Variants in MEF2A observed in about 807,000 individuals in gnomAD.
MEF2A encodes the protein myocyte enhancer factor 2A, also known as myocyte-specific enhancer factor 2A.
A neutral mutation model predicts 55.8 loss-of-function variants in MEF2A; 28 were observed. The ratio of observed to expected loss-of-function variants is 0.50; its 90% confidence interval spans 0.37 to 0.69. The LOEUF is 0.69. MEF2A is among the 30% of genes least tolerant of loss of function. MEF2A has a pLI of 0.00. For synonymous variants in MEF2A, 239 were observed against 227.1 expected (o/e 1.05, Z -0.47); for missense variants, 528 against 626.2 (o/e 0.84, Z 1.67).
At chr15:99,703,606 T>C (rs916984772) in intron 9 of MEF2A, among the ~76,000 whole-genome samples, 2 of 152,216 alleles carry the variant, frequency 1.3e-5, no homozygotes, top group Non-Finnish European at 2.9e-5. Flanking sequence ...AACATTGGAA[T>C]AGAGCCTTTA....
At chr15:99,705,496 G>A (rs2057927899) in intron 9 of MEF2A, among the ~76,000 whole-genome samples, 1 of 152,168 alleles carries the variant, frequency 6.6e-6, no homozygotes, top group South Asian at 2.1e-4. Context: ...GTTCAGAGAG[G>A]TCAAATTATT....
At chr15:99,689,725 C>T (rs1410507031) in intron 7 of MEF2A, among the ~76,000 whole-genome samples, 1 of 152,188 alleles carries the variant, frequency 6.6e-6, no homozygotes, top group African/African-American at 2.4e-5. Context: ...AAGTGATTCA[C>T]CCTCCTCGGC....
chr15:99,568,906 G>T (rs796552502), intron 1 of MEF2A, among the ~76,000 whole-genome samples: 4 of 152,168 alleles, frequency 2.6e-5, no homozygotes, highest in South Asian at 4.1e-4. Context: ...AAAACCATTT[G>T]TGGACCAAAA....
intron 2 of MEF2A, among the ~76,000 whole-genome samples, chr15:99,621,845 A>C (rs909141265): frequency 6.6e-6 from 1 of 152,162 alleles, no homozygotes; most frequent in African/African-American, 2.4e-5. Flanking sequence ...TTATTCCAAA[A>C]ATCATTTGCT....
chr15:99,593,082 C>A (rs996924184), intron 1 of MEF2A, among the ~76,000 whole-genome samples: 1 of 152,094 alleles, frequency 6.6e-6, no homozygotes, highest in South Asian at 2.1e-4. Context: ...TTAAAACTTA[C>A]ATTTTAGGTT....
intron 4 of MEF2A, among the ~76,000 whole-genome samples, chr15:99,668,951 A>C (rs2050336545): frequency 6.6e-6 from 1 of 152,292 alleles, no homozygotes; most frequent in South Asian, 2.1e-4. Flanking sequence ...ATTATCTACA[A>C]AGCTGATAGA....
rs373117114 is a variant in MEF2A, at chr15:99,599,068, C to G, written c.-143+557C>G. Among the ~76,000 whole-genome samples the G allele has an allele frequency of 4.1e-4, 63 of 152,194 alleles. 1 individual carries two copies. The South Asian group carries it at 0.012, about 30-fold the overall frequency. ...CATATTTGCAAAGCTCAGGAGGAGACTATTTTGATTAAAAAACTTACATTG... is the reference window on the plus strand; with the variant it reads ...CATATTTGCAAAGCTCAGGAGGAGAGTATTTTGATTAAAAAACTTACATTG... On this transcript the variant is annotated intron_variant, in intron 2 of 11. Coordinates refer to ENST00000557942, the MANE Select transcript of MEF2A (RefSeq NM_001319206.4).
intron 2 of MEF2A, among the ~76,000 whole-genome samples, chr15:99,619,698 G>T (rs551818082): frequency 6.6e-6 from 1 of 152,020 alleles, no homozygotes; most frequent in Non-Finnish European, 1.5e-5. Context: ...CTGTCTTTTG[G>T]ACCCCTTTCT....
chr15:99,690,227 A>G lies in MEF2A; in HGVS notation c.671-14A>G. 1 of 1,610,774 alleles carries G rather than the reference A, an allele frequency of 6.2e-7. No individual in the cohort carries two copies. The highest frequency in any genetic ancestry group is 8.5e-7 in the Non-Finnish European group (1 of 1,178,166). ...AACTCTTCTCACTTTATTGAATGAT[A>G]TTTTTCCCCCCAGGGAATGGATTTG... On this transcript the variant is annotated splice_polypyrimidine_tract_variant and intron_variant, in intron 7 of 11. Coordinates refer to ENST00000557942, the MANE Select transcript of MEF2A (RefSeq NM_001319206.4).
chr15:99,578,207 T>C, intron 1 of MEF2A, among the ~76,000 whole-genome samples: 1 of 152,268 alleles, frequency 6.6e-6, no homozygotes. Context: ...TCCTTGTTCC[T>C]TTCTCATTTA....
At chr15:99,567,777 G>GT (rs1960363187) in intron 1 of MEF2A, among the ~76,000 whole-genome samples, 1 of 152,020 alleles carries the variant, frequency 6.6e-6, no homozygotes, top group Non-Finnish European at 1.5e-5. Flanking sequence ...TATATTAAAT[G>GT]TCATAAACAC....
chr15:99,572,805 T>C (rs2152745685), intron 1 of MEF2A, among the ~76,000 whole-genome samples: 2 of 152,372 alleles, frequency 1.3e-5, no homozygotes, highest in Middle Eastern at 6.8e-3. Context: ...ATGCACTATT[T>C]GTAGAGTAAA....
At chr15:99,627,897 T>C (rs1028990119) in intron 2 of MEF2A, among the ~76,000 whole-genome samples, 1 of 152,210 alleles carries the variant, frequency 6.6e-6, no homozygotes, top group Non-Finnish European at 1.5e-5. Flanking sequence ...TATGAAGTCA[T>C]GTAGTAAGCA....
In MEF2A at chr15:99,712,493, C is replaced by T; in HGVS notation, c.1240C>T (p.Pro414Ser). 1 of 1,549,716 alleles carries T rather than the reference C, an allele frequency of 6.5e-7. No individual in the cohort carries two copies. Among genetic ancestry groups the T allele is most frequent in the South Asian group, 1.2e-5 (1 of 83,898 alleles). Residue 414 changes from proline to serine, a missense_variant, in exon 12 of 12, where the codon CCA (proline) becomes TCA (serine). Pro to Ser is a moderately conservative substitution (Grantham distance 74, BLOSUM62 -1). Around this residue, in one of 2 missense-constraint regions of MEF2A, gnomAD observed 450 missense variants for 475.3 expected, o/e 0.95. Coordinates refer to ENST00000557942, the MANE Select transcript of MEF2A (RefSeq NM_001319206.4). The surrounding 1 kb of genome is among the most constrained non-coding windows in gnomAD (Gnocchi z 4.1). ...PISPPRDRMTPSGFQQQQQQQ... is the reference protein window; with the variant it reads ...PISPPRDRMTSSGFQQQQQQQ... ...TTCACCTCCTCGGGATCGTATGACC[C>T]CATCGGGCTTCCAGCAGCAGCAGCA...
Position 99,714,279 on chromosome 15 carries a change from TGTA to T in MEF2A, c.*1513_*1515del, listed in dbSNP as rs879921616. On this transcript the variant is annotated 3_prime_UTR_variant, in exon 12 of 12. Transcript: ENST00000557942. ...AAACTTGCCTTTTGTGAGGAAAAAATGTAGTAGAAAAAGCTGACCTAATTTAAT... is the reference window on the plus strand; with the variant it reads ...AAACTTGCCTTTTGTGAGGAAAAAATGTAGAAAAAGCTGACCTAATTTAAT... 13 of 152,186 alleles carry T rather than the reference TGTA, an allele frequency of 8.5e-5. No homozygotes were observed. The highest frequency in any genetic ancestry group is 1.2e-4 in the African/African-American group (5 of 41,518). 9.4% of individuals were successfully genotyped at this position (152,186 alleles called of 1,614,324 possible). A position where few individuals can be genotyped will look rare whatever the true frequency, so the allele number is the denominator to read the frequency against.
chr15:99,609,100 TAGA>T (rs1976209257), intron 2 of MEF2A, among the ~76,000 whole-genome samples: 3 of 152,200 alleles, frequency 2.0e-5, no homozygotes, highest in African/African-American at 7.2e-5. Context: ...GTTAAGGTGC[TAGA>T]CAGTGGAAGA....
chr15:99,574,498 A>G (rs1596216060), intron 1 of MEF2A, among the ~76,000 whole-genome samples: 1 of 152,214 alleles, frequency 6.6e-6, no homozygotes, highest in Non-Finnish European at 1.5e-5. Flanking sequence ...TTTTCCTGCT[A>G]CTAGAGGGTC....
At chr15:99,595,889 C>T (rs943045250) in intron 1 of MEF2A, among the ~76,000 whole-genome samples, 1 of 152,082 alleles carries the variant, frequency 6.6e-6, no homozygotes, top group Non-Finnish European at 1.5e-5. Flanking sequence ...TGTGTGTCAA[C>T]GGGTAGTCGA....
chr15:99,568,359 C>G (rs575522467), intron 1 of MEF2A, among the ~76,000 whole-genome samples: 1 of 152,134 alleles, frequency 6.6e-6, no homozygotes, highest in South Asian at 2.1e-4. Context: ...TGGAAATAAT[C>G]TCTTAAAAAG....
Sources: allele counts gnomAD v4.1 joint callset (sites outside exome capture counted in the v4.1 genomes callset), GRCh38; gene constraint gnomAD v4.1.1; regional missense constraint gnomAD v4.1.1; non-coding constraint Gnocchi (gnomAD v3.1); transcripts MANE v1.5; gene names NCBI Gene and HGNC (gene_info 2026-07-23, HGNC 2026-07-21).